Variants in KCNAB1 observed in about 807,000 individuals in gnomAD.
KCNAB1 encodes potassium voltage-gated channel subfamily A regulatory beta subunit 1.
Under a neutral mutation model 64.6 loss-of-function variants are expected in KCNAB1, and 35 were observed. The ratio of observed to expected loss-of-function variants is 0.54; its 90% CI spans 0.41 to 0.72. KCNAB1 has a LOEUF of 0.72. Ranked by LOEUF, KCNAB1 falls within the 30% of genes least tolerant of loss-of-function variation. The pLI, the probability that KCNAB1 is intolerant of heterozygous loss-of-function variation, is 0.00. For synonymous variants in KCNAB1, 177 were observed against 183.8 expected, an observed-to-expected ratio of 0.96 and a Z score of 0.30; for missense variants, 401 against 512.9, an observed-to-expected ratio of 0.78 and a Z score of 2.11.
intron 1 of KCNAB1, among the ~76,000 whole-genome samples, chr3:156,280,019 G>A (rs1446315192): frequency 2.0e-5 from 3 of 149,272 alleles, no homozygotes; most frequent in Admixed American, 2.0e-4. Flanking sequence ...TGCTTTTGGT[G>A]TTTTAGACAT....
intron 1 of KCNAB1, among the ~76,000 whole-genome samples, chr3:156,126,713 G>C (rs1480614690): frequency 6.6e-6 from 1 of 152,190 alleles, no homozygotes; most frequent in Non-Finnish European, 1.5e-5. Flanking sequence ...CCTGGAGCTA[G>C]GCTGCTGGGT....
rs148007249 is a variant in KCNAB1, at chr3:156,517,563, C to T, written c.960+1199C>T. ...GAAAGAAGGTATAAAAAGAGGAAGGCAAGAAGGGAGTGAAGAAGGAAGGAA... is the reference window on the plus strand; with the variant it reads ...GAAAGAAGGTATAAAAAGAGGAAGGTAAGAAGGGAGTGAAGAAGGAAGGAA... On this transcript the variant is annotated intron_variant, in intron 11 of 13. Coordinates refer to ENST00000490337, the MANE Select transcript of KCNAB1 (RefSeq NM_172160.3). 8.3e-3 allele frequency among the ~76,000 whole-genome samples: 1,259 copies of T among 152,134 alleles called. 48 individuals carry two copies. The highest frequency in any genetic ancestry group is 0.066 in the Admixed American group (1,009 of 15,276).
chr3:156,471,861 T>C (rs1169664480), intron 7 of KCNAB1, among the ~76,000 whole-genome samples: 4 of 152,208 alleles, frequency 2.6e-5, no homozygotes, highest in African/African-American at 4.8e-5. Context: ...CTGATTTGGT[T>C]TGCAGTCACA....
At chr3:156,329,664 C>A (rs1399683663) in intron 1 of KCNAB1, among the ~76,000 whole-genome samples, 1 of 151,990 alleles carries the variant, frequency 6.6e-6, no homozygotes, top group Admixed American at 6.6e-5. Flanking sequence ...GAGAATTTGG[C>A]TAAGGAAGAG....
At chr3:156,474,330 G>A (rs1331659271) in intron 7 of KCNAB1, among the ~76,000 whole-genome samples, 1 of 152,086 alleles carries the variant, frequency 6.6e-6, no homozygotes, top group Non-Finnish European at 1.5e-5. Flanking sequence ...TGTACCTCTA[G>A]CTCACTATAA....
chr3:156,401,927 T>TA (rs981675034), intron 1 of KCNAB1, among the ~76,000 whole-genome samples: 5 of 151,452 alleles, frequency 3.3e-5, no homozygotes, highest in Admixed American at 2.0e-4. Flanking sequence ...TTGACTTTTT[T>TA]AAAAAAACAA....
intron 2 of KCNAB1, among the ~76,000 whole-genome samples, chr3:156,435,870 C>G (rs192272099): frequency 2.0e-4 from 31 of 152,020 alleles, no homozygotes; most frequent in Admixed American, 1.2e-3. Context: ...GTATTTTTAC[C>G]CCATCAACAT....
chr3:156,486,308 A>G (rs1204337880), intron 8 of KCNAB1, among the ~76,000 whole-genome samples: 1 of 152,084 alleles, frequency 6.6e-6, no homozygotes, highest in African/African-American at 2.4e-5. Context: ...CTCTCTGTTC[A>G]GTGACTCTGG....
intron 1 of KCNAB1, among the ~76,000 whole-genome samples, chr3:156,299,864 A>G (rs116248029): frequency 0.013 from 1,987 of 152,300 alleles, 46 homozygotes; most frequent in African/African-American, 0.045. Context: ...GAAATATTGT[A>G]TAATCTTTCA....
At chr3:156,177,767 G>GTC (rs1318721896) in intron 1 of KCNAB1, among the ~76,000 whole-genome samples, 1 of 152,082 alleles carries the variant, frequency 6.6e-6, no homozygotes, top group Non-Finnish European at 1.5e-5. Flanking sequence ...TTGCGACAGA[G>GTC]TCTCGCCCTG....
intron 1 of KCNAB1, among the ~76,000 whole-genome samples, chr3:156,269,849 T>C (rs528811484): frequency 6.6e-6 from 1 of 152,230 alleles, no homozygotes; most frequent in South Asian, 2.1e-4. Flanking sequence ...TTTATTATTT[T>C]CAGTCTATGT....
chr3:156,173,839 G>A (rs1712168808), intron 1 of KCNAB1, among the ~76,000 whole-genome samples: 1 of 152,176 alleles, frequency 6.6e-6, no homozygotes, highest in Admixed American at 6.5e-5. Flanking sequence ...CCTTCCTGAT[G>A]TGAGTGGCCA....
chr3:156,531,581 T>C, intron 13 of KCNAB1, 84 bp downstream of exon 13: 10 of 1,016,912 alleles, frequency 9.8e-6, no homozygotes, highest in Middle Eastern at 4.1e-4. Flanking sequence ...TCTCTCCCCC[T>C]CTCTGTCCTG....
intron 12 of KCNAB1, 163 bp downstream of exon 12, chr3:156,524,110 C>A: frequency 1.4e-6 from 1 of 716,876 alleles, no homozygotes; most frequent in Non-Finnish European, 2.1e-6. Flanking sequence ...TTTGAGGTTC[C>A]CCAGAATTTT....
chr3:156,480,901 C>T (rs950312398), intron 8 of KCNAB1, among the ~76,000 whole-genome samples: 14 of 152,096 alleles, frequency 9.2e-5, no homozygotes, highest in Admixed American at 5.9e-4. Context: ...TATTGACTAG[C>T]TGGATGAATG....
Position 156,405,317 on chromosome 3 carries a change from TC to T in KCNAB1, c.276-16297del, listed in dbSNP as rs897972341. Among the ~76,000 whole-genome samples, 9 of 152,334 alleles carry T rather than the reference TC, an allele frequency of 5.9e-5. No homozygotes were observed. The East Asian group carries it at 1.7e-3, about 29-fold the overall frequency. ...CTTCCCACCTCCTGCTCTCCAGTCT[TC>T]CTGATTGTTACTGCAGGGGCCAGAG... On this transcript the variant is annotated intron_variant, in intron 1 of 13. Transcript: ENST00000490337.
chr3:156,199,421 G>C (rs1296131059), intron 1 of KCNAB1, among the ~76,000 whole-genome samples: 1 of 152,114 alleles, frequency 6.6e-6, no homozygotes, highest in Non-Finnish European at 1.5e-5. Flanking sequence ...TTTCCAACTT[G>C]GTTCCATTCT....
At chr3:156,443,766 ACACACACACACAC>A (rs1170161572) in intron 2 of KCNAB1, among the ~76,000 whole-genome samples, 1 of 151,338 alleles carries the variant, frequency 6.6e-6, no homozygotes, top group African/African-American at 2.4e-5. Flanking sequence ...ACACACACAC[ACACACACACACAC>A]ACTATTCTTT....
At chr3:156,266,635 A>G (rs1411624982) in intron 1 of KCNAB1, among the ~76,000 whole-genome samples, 1 of 152,222 alleles carries the variant, frequency 6.6e-6, no homozygotes, top group African/African-American at 2.4e-5. Context: ...ACTATTGCAT[A>G]AAATTCCTTT....
Sources: allele counts gnomAD v4.1 joint callset (sites outside exome capture counted in the v4.1 genomes callset), GRCh38; gene constraint gnomAD v4.1.1; transcripts MANE v1.5; gene names NCBI Gene and HGNC (gene_info 2026-07-23, HGNC 2026-07-21).